The following SLC30A8 variants were observed in gnomAD, a reference collection of about 807,000 sequenced individuals.
The protein encoded by SLC30A8 is proton-coupled zinc antiporter SLC30A8.
SLC30A8 carries 27 observed loss-of-function variants against 36.9 expected under a neutral mutation model. The observed-to-expected ratio is 0.73, with a 90% CI of 0.54 to 1.01. The LOEUF is 1.01. Among genes scored for constraint, SLC30A8 ranks in the 50% least tolerant of loss-of-function variants. The pLI is 0.00. For synonymous variants in SLC30A8, 164 were observed against 172.4 expected (o/e 0.95, Z 0.38); for missense variants, 439 against 452.0 (o/e 0.97, Z 0.26).
At chr8:117,171,546 T>C (rs531861271) in intron 7 of SLC30A8, among the ~76,000 whole-genome samples, 4 of 152,186 alleles carry the variant, frequency 2.6e-5, no homozygotes, top group African/African-American at 9.6e-5. Flanking sequence ...GTATAAGATG[T>C]TTTTCCTGGC....
At chr8:117,102,802 T>C (rs944411082) in intron 2 of SLC30A8, among the ~76,000 whole-genome samples, 1 of 152,090 alleles carries the variant, frequency 6.6e-6, no homozygotes, top group Non-Finnish European at 1.5e-5. Flanking sequence ...TTAGAGCTCA[T>C]CCCAATACAA....
intron 1 of SLC30A8, among the ~76,000 whole-genome samples, chr8:116,983,697 T>C (rs1372911827): frequency 6.6e-6 from 1 of 152,178 alleles, no homozygotes; most frequent in Non-Finnish European, 1.5e-5. Context: ...TCTTCCTTTT[T>C]TCCCCTCTAC....
At chr8:116,995,667 A>G (rs929001264) in intron 1 of SLC30A8, among the ~76,000 whole-genome samples, 14 of 152,050 alleles carry the variant, frequency 9.2e-5, no homozygotes, top group African/African-American at 3.1e-4. Context: ...TTTGAACAAC[A>G]CTGTGCAGGG....
At chr8:117,005,223 T>C (rs370909914) in intron 1 of SLC30A8, among the ~76,000 whole-genome samples, 1 of 152,356 alleles carries the variant, frequency 6.6e-6, no homozygotes, top group African/African-American at 2.4e-5. Flanking sequence ...CAATCTTTGC[T>C]GTGTCTGTGT....
intron 2 of SLC30A8, among the ~76,000 whole-genome samples, chr8:117,070,999 A>G (rs554135471): frequency 5.0e-4 from 76 of 152,322 alleles, no homozygotes; most frequent in Admixed American, 2.0e-3. Context: ...TAATGCTGCA[A>G]TGAACATGGG....
At chr8:116,988,866 T>A (rs1282071263) in intron 1 of SLC30A8, among the ~76,000 whole-genome samples, 1 of 152,210 alleles carries the variant, frequency 6.6e-6, no homozygotes, top group Non-Finnish European at 1.5e-5. Context: ...AATCCCTATC[T>A]TCTTAATGCC....
intron 1 of SLC30A8, among the ~76,000 whole-genome samples, chr8:117,142,878 T>C (rs1282214744): frequency 6.6e-6 from 1 of 152,188 alleles, no homozygotes; most frequent in Non-Finnish European, 1.5e-5. Flanking sequence ...GTTTTTCTCA[T>C]ACAACATGGT....
intron 2 of SLC30A8, among the ~76,000 whole-genome samples, chr8:117,042,964 C>G (rs1358721813): frequency 2.0e-5 from 3 of 152,230 alleles, no homozygotes; most frequent in Admixed American, 6.5e-5. Flanking sequence ...GCGTGAGCCA[C>G]CGCGCCCAGG....
At position 117,089,223 on chromosome 8, in the gene SLC30A8, A is replaced by T. The variant is rs529211204; in HGVS notation, c.-225-46057A>T. Among the ~76,000 whole-genome samples the T allele has an allele frequency of 3.3e-5, 5 of 152,250 alleles. No individual in the cohort carries two copies. The Middle Eastern group carries it at 0.014, about 414-fold the overall frequency. On this transcript the variant is annotated intron_variant, in intron 2 of 10. Transcript: ENST00000427715. ...GGGCTTTTCTAATTACACAACTTTAAATATATATGAAATTCTCTAAATATT... is the reference window on the plus strand; with the variant it reads ...GGGCTTTTCTAATTACACAACTTTATATATATATGAAATTCTCTAAATATT...
chr8:117,116,886 A>T (rs942170703), intron 2 of SLC30A8, among the ~76,000 whole-genome samples: 12 of 152,052 alleles, frequency 7.9e-5, no homozygotes, highest in Admixed American at 2.0e-4. Context: ...AGTCAAGGTT[A>T]TAGAAGGCCA....
At chr8:117,095,180 GCA>G (rs1169877039) in intron 2 of SLC30A8, among the ~76,000 whole-genome samples, 1 of 152,186 alleles carries the variant, frequency 6.6e-6, no homozygotes, top group African/African-American at 2.4e-5. Flanking sequence ...GCTCTGTGTA[GCA>G]CAGAGCCCTG....
chr8:117,077,246 T>C (rs1320662774), intron 2 of SLC30A8, among the ~76,000 whole-genome samples: 2 of 152,144 alleles, frequency 1.3e-5, no homozygotes, highest in Admixed American at 1.3e-4. Context: ...AAAATACCAA[T>C]GTCAGGGCTC....
At chr8:117,088,208 G>A (rs1818956281) in intron 2 of SLC30A8, among the ~76,000 whole-genome samples, 1 of 152,154 alleles carries the variant, frequency 6.6e-6, no homozygotes, top group Non-Finnish European at 1.5e-5. Flanking sequence ...TAAAGGCTTT[G>A]CCATGAAGAC....
intron 2 of SLC30A8, chr8:117,129,855 GT>G (rs1821058387): frequency 6.6e-6 from 1 of 151,924 alleles, no homozygotes; most frequent in South Asian, 2.1e-4. Context: ...TTTCAATAAT[GT>G]TTTGTGTTTG....
chr8:117,077,796 G>C (rs1433132233), intron 2 of SLC30A8, among the ~76,000 whole-genome samples: 3 of 152,184 alleles, frequency 2.0e-5, no homozygotes, highest in African/African-American at 7.2e-5. Context: ...CAATTGTTCA[G>C]ATTATTGGCA....
chr8:116,969,278 C>T (rs1261871513), intron 1 of SLC30A8, among the ~76,000 whole-genome samples: 1 of 152,012 alleles, frequency 6.6e-6, no homozygotes, highest in Non-Finnish European at 1.5e-5. Flanking sequence ...ATTAGCTGGG[C>T]GTAATGGTAC....
intron 3 of SLC30A8, among the ~76,000 whole-genome samples, chr8:117,156,591 GGTTA>G (rs758184187): frequency 1.1e-4 from 16 of 152,086 alleles, no homozygotes; most frequent in Non-Finnish European, 2.2e-4. Context: ...TTCCACAGTT[GGTTA>G]GTCAGATAAT....
At chr8:117,056,162 A>G (rs1164673124) in intron 2 of SLC30A8, 1 of 152,182 alleles carries the variant, frequency 6.6e-6, no homozygotes, top group Non-Finnish European at 1.5e-5. Context: ...TCTGCTTATT[A>G]TAGTGTAACA....
chr8:117,160,780 A>G (rs1402127373), intron 4 of SLC30A8, among the ~76,000 whole-genome samples: 1 of 152,210 alleles, frequency 6.6e-6, no homozygotes, highest in Non-Finnish European at 1.5e-5. Context: ...CTGCACATTC[A>G]GTAGTGATCA....
Sources: gnomAD v4.1 joint callset for allele counts (sites outside exome capture counted in the v4.1 genomes callset) on GRCh38, gnomAD v4.1.1 for gene constraint, MANE v1.5 for transcripts, NCBI Gene and HGNC (gene_info 2026-07-23, HGNC 2026-07-21) for gene names.